Variants in SH3RF2 observed in about 807,000 individuals in gnomAD.
SH3RF2 encodes the protein SH3 domain containing ring finger 2, also known as E3 ubiquitin-protein ligase SH3RF2.
A neutral mutation model predicts 59.0 loss-of-function variants in SH3RF2; 43 were observed. That is an observed-to-expected ratio of 0.73 (90% CI 0.57 to 0.94). The LOEUF (loss-of-function observed/expected upper bound fraction) is 0.94. Among genes scored for constraint, SH3RF2 ranks in the 40% least tolerant of loss-of-function variants. The probability of loss-of-function intolerance (pLI) is 0.00; values close to 1 mark genes in which losing one functional copy is unlikely to be tolerated. For synonymous variants in SH3RF2, 391 were observed against 391.5 expected (o/e 1.00, Z 0.01); for missense variants, 930 against 940.1 (o/e 0.99, Z 0.14).
intron 2 of SH3RF2, among the ~76,000 whole-genome samples, chr5:145,991,675 T>C (rs551402079): frequency 6.6e-6 from 1 of 152,296 alleles, no homozygotes; most frequent in South Asian, 2.1e-4. Context: ...AAGATGAAAA[T>C]AGGCAATTAG....
At chr5:145,980,238 C>T (rs551798815) in intron 2 of SH3RF2, among the ~76,000 whole-genome samples, 1 of 152,160 alleles carries the variant, frequency 6.6e-6, no homozygotes, top group East Asian at 1.9e-4. Context: ...GACACCCACA[C>T]GTAACGAGGC....
At chr5:145,939,704 C>T (rs771068643) in intron 2 of SH3RF2, among the ~76,000 whole-genome samples, 4 of 152,082 alleles carry the variant, frequency 2.6e-5, no homozygotes, top group Admixed American at 6.5e-5. Flanking sequence ...CTGGAAATGG[C>T]GAAGTAGGGG....
chr5:145,997,995 T>C, intron 2 of SH3RF2: 1 of 738,792 alleles, frequency 1.4e-6, no homozygotes, highest in Non-Finnish European at 2.5e-6. Flanking sequence ...TATAGACAAG[T>C]ATAGCACTGG....
At chr5:146,014,991 A>G (rs377078339) in intron 5 of SH3RF2, among the ~76,000 whole-genome samples, 32 of 152,050 alleles carry the variant, frequency 2.1e-4, no homozygotes, top group Admixed American at 9.8e-4. Flanking sequence ...AGCTGAAAAC[A>G]CTCTTTGGGA....
At position 146,060,243 on chromosome 5, in the gene SH3RF2, T is replaced by C. The variant is rs1762840935; in HGVS notation, c.1914+19T>C. 1.3e-6 allele frequency: 2 copies of C among 1,574,582 alleles called. No homozygotes were observed. Among genetic ancestry groups the C allele is most frequent in the African/African-American group, 1.4e-5 (1 of 73,726 alleles). On this transcript the variant is annotated intron_variant, in intron 9 of 9. Transcript: ENST00000359120. ...CGAAAAGGTAGGATCAGAGTGACAT[T>C]GGGGGCCCAACTCTTTCGATCCCGT...
downstream of SH3RF2, among the ~76,000 whole-genome samples, chr5:146,064,719 AAAGAAAGAAAGGAAGG>A (rs1763027357): frequency 1.5e-4 from 3 of 19,416 alleles, no homozygotes; most frequent in African/African-American, 5.9e-4. Context: ...AGAAAGAAAG[AAAGAAAGAAAGGAAGG>A]AAGGAAGGAA....
intron 2 of SH3RF2, among the ~76,000 whole-genome samples, chr5:145,964,155 T>C (rs1230102338): frequency 1.3e-5 from 2 of 151,148 alleles, no homozygotes; most frequent in Non-Finnish European, 3.0e-5. Context: ...CCTTCCTTCC[T>C]TCTTTTCTTT....
rs140312306 is a variant in SH3RF2 at position 146,000,143 on chromosome 5, G to A, written c.464G>A (p.Arg155Gln). Residue 155 changes from arginine to glutamine, a missense_variant, in exon 3 of 10, where the codon CGG becomes CAG. Transcript: ENST00000359120. ...RFNKGDIILL[R>Q]RQLDENWYQG... ...AATAAGGGAGATATCATCCTTCTCC[G>A]GAGACAGCTTGATGAGAATTGGTAC... The A allele has an allele frequency of 8.9e-5, 143 of 1,613,700 alleles. No individual in the cohort carries two copies. The highest frequency in any genetic ancestry group is 1.1e-4 in the Non-Finnish European group (126 of 1,179,872).
intron 7 of SH3RF2, chr5:146,055,773 C>T (rs1227273407): frequency 8.3e-6 from 5 of 599,464 alleles, no homozygotes; most frequent in Non-Finnish European, 1.2e-5. Flanking sequence ...TCCCTCAGCA[C>T]ACCCTCACAG....
chr5:145,962,888 CTTTT>C (rs1168517787), intron 2 of SH3RF2, among the ~76,000 whole-genome samples: 2 of 104,548 alleles, frequency 1.9e-5, no homozygotes, highest in African/African-American at 4.6e-5. Context: ...TATTATTCCA[CTTTT>C]TTTTTTTTTT....
intron 2 of SH3RF2, among the ~76,000 whole-genome samples, chr5:145,951,096 T>C (rs1421704004): frequency 6.6e-6 from 1 of 152,240 alleles, no homozygotes; most frequent in Non-Finnish European, 1.5e-5. Flanking sequence ...GAAAAAATTA[T>C]AAATTTAAAA....
At chr5:145,949,202 A>G (rs1453404747) in intron 2 of SH3RF2, among the ~76,000 whole-genome samples, 3 of 152,202 alleles carry the variant, frequency 2.0e-5, no homozygotes, top group East Asian at 3.9e-4. Context: ...TGGGAGGTGA[A>G]AAAAGAAGTC....
Position 145,968,813 on chromosome 5 carries a change from C to T in SH3RF2, c.378+30507C>T, listed in dbSNP as rs183564497. Among the ~76,000 whole-genome samples the T allele has an allele frequency of 4.6e-5, 7 of 152,222 alleles. No individual in the cohort carries two copies. The East Asian group carries it at 1.4e-3, about 29-fold the overall frequency. On this transcript the variant is annotated intron_variant, in intron 2 of 9. Coordinates refer to ENST00000359120, the MANE Select transcript of SH3RF2 (RefSeq NM_152550.4). ...AATAGCCACATAGAACTAGTGACTACCATATTGGACAGTGTGATCTAGAAG... is the reference window on the plus strand; with the variant it reads ...AATAGCCACATAGAACTAGTGACTATCATATTGGACAGTGTGATCTAGAAG...
intron 5 of SH3RF2, among the ~76,000 whole-genome samples, chr5:146,029,392 C>T (rs1022768875): frequency 5.9e-5 from 9 of 152,264 alleles, no homozygotes; most frequent in Non-Finnish European, 5.9e-5. Flanking sequence ...GGGACAGCAA[C>T]CAGACTCAGT....
intron 2 of SH3RF2, among the ~76,000 whole-genome samples, chr5:145,964,598 T>C (rs1321714734): frequency 2.6e-5 from 4 of 152,154 alleles, no homozygotes; most frequent in African/African-American, 4.8e-5. Flanking sequence ...TGAGCCACCA[T>C]GCTCGGCCAG....
chr5:146,053,680 C>T (rs1251410285), intron 7 of SH3RF2, among the ~76,000 whole-genome samples: 1 of 152,180 alleles, frequency 6.6e-6, no homozygotes, highest in African/African-American at 2.4e-5. Context: ...TCCAAGTCCT[C>T]TACTCTTCTT....
At chr5:146,064,935 T>A (rs536244650), downstream of SH3RF2, among the ~76,000 whole-genome samples, 259 of 151,960 alleles carry the variant, frequency 1.7e-3, no homozygotes, top group African/African-American at 6.1e-3. Flanking sequence ...TTCCCCTAGA[T>A]AGTTCTTGAA....
At position 145,997,419 on chromosome 5, in the gene SH3RF2, G is replaced by A. The variant is rs945194400; in HGVS notation, c.379-2639G>A. ...CTTTGCTTCCATCTACACTGCAACT[G>A]GTCATTATACTGGCTGGTGCAAGGA... On this transcript the variant is annotated intron_variant, in intron 2 of 9. Coordinates refer to ENST00000359120, the MANE Select transcript of SH3RF2 (RefSeq NM_152550.4). 2.4e-5 allele frequency: 32 copies of A among 1,340,646 alleles called. No homozygotes were observed. In the Admixed American group the frequency reaches 5.4e-4, roughly 22 times the overall value. The allele number at this position is 1,340,646 out of a possible 1,614,324, so 83.0% of individuals were successfully genotyped here.
In SH3RF2 at chr5:145,962,436, C is replaced by G. The variant is rs546170560; in HGVS notation, c.378+24130C>G. On this transcript the variant is annotated intron_variant, in intron 2 of 9. Coordinates refer to ENST00000359120, the MANE Select transcript of SH3RF2 (RefSeq NM_152550.4). ...AGTACTTCCCAATGCCTTATTAATTCTCTTAACCCTTTGAGTTTTTATCCA... is the reference window on the plus strand; with the variant it reads ...AGTACTTCCCAATGCCTTATTAATTGTCTTAACCCTTTGAGTTTTTATCCA... Among the ~76,000 whole-genome samples the G allele has an allele frequency of 3.3e-5, 5 of 152,344 alleles. No homozygotes were observed. In the East Asian group the frequency reaches 9.6e-4, roughly 29 times the overall value.
Sources: allele counts gnomAD v4.1 joint callset (sites outside exome capture counted in the v4.1 genomes callset), GRCh38; gene constraint gnomAD v4.1.1; transcripts MANE v1.5; gene names NCBI Gene and HGNC (gene_info 2026-07-23, HGNC 2026-07-21).